The following FILIP1L variants were observed in gnomAD, a reference collection of about 807,000 sequenced individuals.
FILIP1L encodes the protein filamin A-interacting protein 1-like.
Under a neutral mutation model 96.6 loss-of-function variants are expected in FILIP1L, and 55 were observed. The ratio of observed to expected loss-of-function variants is 0.57; its 90% CI spans 0.46 to 0.71. The LOEUF (loss-of-function observed/expected upper bound fraction) is 0.71. FILIP1L is among the 30% of genes least tolerant of loss of function. FILIP1L has a pLI of 0.00. For synonymous variants in FILIP1L, 467 were observed against 473.9 expected (o/e 0.99, Z 0.19); for missense variants, 1,304 against 1,321.2 (o/e 0.99, Z 0.20).
intron 1 of FILIP1L, among the ~76,000 whole-genome samples, chr3:99,952,821 T>G (rs1284712364): frequency 6.6e-6 from 1 of 152,226 alleles, no homozygotes; most frequent in African/African-American, 2.4e-5. Flanking sequence ...CAGATTTTAT[T>G]TGAATTAGTT....
Position 100,105,986 on chromosome 3 carries a change from T to C in FILIP1L, c.-11+8067A>G, listed in dbSNP as rs143560106. ...CATAGCTTCTCACCATCAGATGGTG[T>C]GGACAGAAAGTTGTGCCTGGGAGTC... On this transcript the variant is annotated intron_variant, in intron 1 of 5. Transcript: ENST00000477258. Among the ~76,000 whole-genome samples the C allele has an allele frequency of 7.5e-3, 1,148 of 152,282 alleles. 5 individuals carry two copies. Among genetic ancestry groups the C allele is most frequent in the African/African-American group, 0.011 (466 of 41,572 alleles).
intron 1 of FILIP1L, among the ~76,000 whole-genome samples, chr3:99,957,527 A>G (rs1708355713): frequency 6.6e-6 from 1 of 151,984 alleles, no homozygotes; most frequent in South Asian, 2.1e-4. Context: ...GACATCTTTT[A>G]AGGAACAAAA....
intron 1 of FILIP1L, among the ~76,000 whole-genome samples, chr3:100,037,287 A>G (rs2065124235): frequency 6.6e-6 from 1 of 152,216 alleles, no homozygotes; most frequent in African/African-American, 2.4e-5. Flanking sequence ...GGTTTAGAAA[A>G]ACAAATGTGT....
intron 4 of FILIP1L, among the ~76,000 whole-genome samples, chr3:99,920,303 G>T (rs944452817): frequency 4.7e-5 from 7 of 149,852 alleles, no homozygotes; most frequent in African/African-American, 1.7e-4. Flanking sequence ...AACTGAAAAA[G>T]AAAAAAAAAT....
At chr3:99,932,974 T>C (rs1559693872) in intron 1 of FILIP1L, among the ~76,000 whole-genome samples, 1 of 152,216 alleles carries the variant, frequency 6.6e-6, no homozygotes, top group Non-Finnish European at 1.5e-5. Flanking sequence ...CTAAGCATTC[T>C]TCTCAGCATT....
intron 1 of FILIP1L, among the ~76,000 whole-genome samples, chr3:100,084,063 C>T (rs1256632989): frequency 6.6e-6 from 1 of 152,132 alleles, no homozygotes; most frequent in Non-Finnish European, 1.5e-5. Flanking sequence ...ATTAAAATTT[C>T]TGCTACCCCC....
rs960309379 is a variant in FILIP1L, at chr3:99,829,561, T to C, written c.*853A>G. ...TGTGGAAACTCAAGGCTTAGATTGA[T>C]GAATGCAAAGCTCGTTGTCACATGA... On this transcript the variant is annotated 3_prime_UTR_variant, in exon 6 of 6. Transcript: ENST00000477258. 3.9e-5 allele frequency among the ~76,000 whole-genome samples: 6 copies of C among 152,228 alleles called. No individual in the cohort carries two copies. The highest frequency in any genetic ancestry group is 1.4e-4 in the African/African-American group (6 of 41,458).
chr3:99,932,015 T>C (rs1707497021), intron 1 of FILIP1L, among the ~76,000 whole-genome samples: 1 of 152,208 alleles, frequency 6.6e-6, no homozygotes, highest in Non-Finnish European at 1.5e-5. Flanking sequence ...TTTAAAAATC[T>C]GAAAAACTCA....
At chr3:99,967,762 G>A (rs1176255619) in intron 1 of FILIP1L, among the ~76,000 whole-genome samples, 2 of 152,306 alleles carry the variant, frequency 1.3e-5, no homozygotes, top group African/African-American at 4.8e-5. Context: ...GATGTGGAGT[G>A]TTTTATCTGT....
chr3:100,069,570 A>G (rs1406024343), intron 1 of FILIP1L, among the ~76,000 whole-genome samples: 1 of 152,114 alleles, frequency 6.6e-6, no homozygotes, highest in South Asian at 2.1e-4. Flanking sequence ...TCTAAAAACT[A>G]GTGGTTCCTT....
At chr3:100,066,997 CA>C (rs2065676863) in intron 1 of FILIP1L, among the ~76,000 whole-genome samples, 1 of 152,154 alleles carries the variant, frequency 6.6e-6, no homozygotes, top group Non-Finnish European at 1.5e-5. Flanking sequence ...GTCCCATACA[CA>C]TATTGAGTGA....
intron 1 of FILIP1L, among the ~76,000 whole-genome samples, chr3:100,064,955 A>G (rs1042755257): frequency 6.6e-6 from 1 of 152,214 alleles, no homozygotes; most frequent in Non-Finnish European, 1.5e-5. Context: ...ATATCTACTA[A>G]CATATGTTAA....
intron 4 of FILIP1L, among the ~76,000 whole-genome samples, chr3:99,900,630 T>A (rs1241761808): frequency 6.6e-6 from 1 of 152,240 alleles, no homozygotes; most frequent in Non-Finnish European, 1.5e-5. Context: ...ACACACTTAA[T>A]ATTCATCAGA....
chr3:100,091,284 CAAAAAAAAAAA>C (rs570908389), intron 1 of FILIP1L, among the ~76,000 whole-genome samples: 1,046 of 59,044 alleles, frequency 0.018, 4 homozygotes, highest in African/African-American at 0.024. Context: ...GACTCCGTCT[CAAAAAAAAAAA>C]AAAAAAAGAA....
chr3:100,009,545 C>G (rs1193610242), intron 1 of FILIP1L, among the ~76,000 whole-genome samples: 2 of 152,178 alleles, frequency 1.3e-5, no homozygotes, highest in African/African-American at 4.8e-5. Context: ...AGCCTTTTCA[C>G]TTGATAGACC....
rs2066433779 is a variant in FILIP1L at position 100,108,643 on chromosome 3, G to C, written c.-11+5410C>G. On this transcript the variant is annotated intron_variant, in intron 1 of 5. Coordinates refer to ENST00000477258, the MANE Select transcript of FILIP1L (RefSeq NM_001387850.1). Reference sequence around the variant, plus strand: ...GTGGTTGGGCATTGCCCTGTATCTAGATGCTACTGTGTTACAATTCCGAGA... The same window carrying C: ...GTGGTTGGGCATTGCCCTGTATCTACATGCTACTGTGTTACAATTCCGAGA... 2.6e-5 allele frequency among the ~76,000 whole-genome samples: 4 copies of C among 151,834 alleles called. No homozygotes were observed. The South Asian group carries it at 8.3e-4, about 32-fold the overall frequency.
At chr3:99,896,153 G>C (rs1223263547) in intron 4 of FILIP1L, among the ~76,000 whole-genome samples, 1 of 152,154 alleles carries the variant, frequency 6.6e-6, no homozygotes, top group Non-Finnish European at 1.5e-5. Flanking sequence ...AACTGCTAAT[G>C]GTGCTCTCAC....
intron 1 of FILIP1L, among the ~76,000 whole-genome samples, chr3:99,986,696 G>A (rs1709351583): frequency 6.6e-6 from 1 of 152,158 alleles, no homozygotes; most frequent in Non-Finnish European, 1.5e-5. Context: ...AGAAGGAGGA[G>A]AATGGTTCTT....
chr3:100,058,862 T>C (rs142132791), intron 1 of FILIP1L, among the ~76,000 whole-genome samples: 22 of 152,366 alleles, frequency 1.4e-4, no homozygotes, highest in Admixed American at 3.3e-4. Flanking sequence ...AGTTGAGTGA[T>C]GTGTTTAGTA....
Sources: gnomAD v4.1 joint callset for allele counts (sites outside exome capture counted in the v4.1 genomes callset) on GRCh38, gnomAD v4.1.1 for gene constraint, MANE v1.5 for transcripts, NCBI Gene and HGNC (gene_info 2026-07-23, HGNC 2026-07-21) for gene names.